The following NECTIN3 variants were observed in gnomAD, a reference collection of about 807,000 sequenced individuals.
NECTIN3 encodes the protein nectin-3.
Under a neutral mutation model 49.4 loss-of-function variants are expected in NECTIN3, and 8 were observed. The ratio of observed to expected loss-of-function variants is 0.16; its 90% CI spans 0.10 to 0.29. The LOEUF is 0.29. NECTIN3 is among the 10% of genes least tolerant of loss of function. The pLI is 1.00. For missense variants in NECTIN3, 581 were observed against 654.6 expected, an observed-to-expected ratio of 0.89 and a Z score of 1.23; for synonymous variants, 277 against 241.1, an observed-to-expected ratio of 1.15 and a Z score of -1.38.
chr3:111,171,701 G>C (rs918843575), intron 7 of NECTIN3, among the ~76,000 whole-genome samples: 2 of 149,320 alleles, frequency 1.3e-5, no homozygotes, highest in African/African-American at 5.0e-5. Flanking sequence ...ATGTGGGTGG[G>C]ACCTCATAAA....
Position 111,123,178 on chromosome 3 carries a change from C to G in NECTIN3, c.917+940C>G, listed in dbSNP as rs574881530. Among the ~76,000 whole-genome samples, 8 of 152,174 alleles carry G rather than the reference C, an allele frequency of 5.3e-5. No individual in the cohort carries two copies. The South Asian group carries it at 1.5e-3, about 28-fold the overall frequency. Reference sequence around the variant, plus strand: ...CTCTTATAAACTGAAAATAGGCCAACAATAAAAATATGTTATTTTCATAGC... The same window carrying G: ...CTCTTATAAACTGAAAATAGGCCAAGAATAAAAATATGTTATTTTCATAGC... On this transcript the variant is annotated intron_variant, in intron 4 of 5. Coordinates refer to ENST00000485303, the MANE Select transcript of NECTIN3 (RefSeq NM_015480.3).
At chr3:111,074,325 C>T (rs990720404) in intron 1 of NECTIN3, 1 of 439,858 alleles carries the variant, frequency 2.3e-6, no homozygotes, top group Non-Finnish European at 4.6e-6. Context: ...GTTCATAGTA[C>T]TGCTTACAAG....
intron 5 of NECTIN3, among the ~76,000 whole-genome samples, chr3:111,127,848 G>A (rs1055349238): frequency 3.3e-5 from 5 of 151,976 alleles, no homozygotes; most frequent in African/African-American, 9.7e-5. Context: ...GATTACAAGC[G>A]TGAGCTACTG....
chr3:111,140,503 G>A (rs1330262293), downstream of NECTIN3, among the ~76,000 whole-genome samples: 2 of 140,356 alleles, frequency 1.4e-5, no homozygotes, highest in African/African-American at 6.4e-5. Flanking sequence ...GTCTTATGTG[G>A]GGTTTTTTTG....
At chr3:111,186,837 A>G (rs2035728277) in intron 7 of NECTIN3, among the ~76,000 whole-genome samples, 2 of 152,212 alleles carry the variant, frequency 1.3e-5, no homozygotes. Flanking sequence ...TGAAATACGT[A>G]TTACAGATTT....
At chr3:111,152,915 A>C (rs1023295184) in intron 7 of NECTIN3, among the ~76,000 whole-genome samples, 3 of 151,912 alleles carry the variant, frequency 2.0e-5, no homozygotes, top group Non-Finnish European at 4.4e-5. Context: ...GCCATCTTCC[A>C]ATAATAATTT....
intron 1 of NECTIN3, among the ~76,000 whole-genome samples, chr3:111,087,670 A>T (rs2032014179): frequency 6.6e-6 from 1 of 151,956 alleles, no homozygotes; most frequent in Non-Finnish European, 1.5e-5. Context: ...ATAAAGAAAG[A>T]AAACAGCCTT....
chr3:111,105,133 T>C (rs983975304), intron 1 of NECTIN3, among the ~76,000 whole-genome samples: 1 of 103,590 alleles, frequency 9.7e-6, no homozygotes, highest in Non-Finnish European at 2.0e-5. Context: ...TTTTCTTTTT[T>C]TTCTTTTTTC....
upstream of NECTIN3, among the ~76,000 whole-genome samples, chr3:111,189,212 A>G (rs1177489710): frequency 6.6e-6 from 1 of 152,172 alleles, no homozygotes; most frequent in Non-Finnish European, 1.5e-5. Context: ...TAGAAGTGTC[A>G]GACTTAGAAA....
intron 4 of NECTIN3, among the ~76,000 whole-genome samples, chr3:111,125,324 C>T (rs573996035): frequency 2.6e-5 from 4 of 151,774 alleles, no homozygotes; most frequent in South Asian, 2.1e-4. Flanking sequence ...CCACTGTGCC[C>T]GGCCTTATCC....
At chr3:111,155,409 T>C (rs1247264314) in intron 7 of NECTIN3, among the ~76,000 whole-genome samples, 1 of 152,132 alleles carries the variant, frequency 6.6e-6, no homozygotes, top group African/African-American at 2.4e-5. Flanking sequence ...TAAGGAACCA[T>C]TGAAGTTTAA....
At chr3:111,133,579 C>G in intron 5 of NECTIN3, 56 bp from the exon 6 acceptor site, 5 of 1,549,642 alleles carry the variant, frequency 3.2e-6, no homozygotes, top group Non-Finnish European at 4.4e-6. Context: ...CTGAATCAGC[C>G]TGCATTGACA....
At chr3:111,186,012 A>T (rs1485401882) in intron 7 of NECTIN3, among the ~76,000 whole-genome samples, 2 of 152,196 alleles carry the variant, frequency 1.3e-5, no homozygotes, top group Non-Finnish European at 2.9e-5. Context: ...CCAGAATCAA[A>T]GTAATTAAAT....
At chr3:111,127,752 CAG>C (rs1434141240) in intron 5 of NECTIN3, among the ~76,000 whole-genome samples, 1 of 151,766 alleles carries the variant, frequency 6.6e-6, no homozygotes, top group Non-Finnish European at 1.5e-5. Flanking sequence ...TTTGTAGAGA[CAG>C]GGGTGGTCTC....
Position 111,074,701 on chromosome 3 carries a change from A to AT in NECTIN3, c.160+2534dup, listed in dbSNP as rs957748461. The stretch of plus-strand genomic sequence containing the variant: ...GTTTTACAGGTTGTCAAATTGCCAG[A>AT]TTTTTTTTTTGTTTTTAAGCCTAAG... On this transcript the variant is annotated intron_variant, in intron 1 of 5. Transcript: ENST00000485303. Among the ~76,000 whole-genome samples, 100 of 149,248 alleles carry AT rather than the reference A, an allele frequency of 6.7e-4. 1 individual carries two copies. The highest frequency in any genetic ancestry group is 1.2e-3 in the Admixed American group (18 of 14,928).
chr3:111,152,785 A>C (rs998378979), intron 7 of NECTIN3, among the ~76,000 whole-genome samples: 4 of 151,962 alleles, frequency 2.6e-5, no homozygotes. Context: ...GGTTTTAAGG[A>C]TATAAGTTCA....
At chr3:111,185,493 T>C (rs1398600239) in intron 7 of NECTIN3, among the ~76,000 whole-genome samples, 1 of 126,598 alleles carries the variant, frequency 7.9e-6, no homozygotes, top group Non-Finnish European at 1.5e-5. Flanking sequence ...TTCTCCATCA[T>C]GGCTGGAAAG....
chr3:111,101,449 G>A (rs886313623), intron 1 of NECTIN3, among the ~76,000 whole-genome samples: 1 of 152,038 alleles, frequency 6.6e-6, no homozygotes, highest in Non-Finnish European at 1.5e-5. Context: ...TTCTATGCCT[G>A]TTATTCACTA....
intron 1 of NECTIN3, among the ~76,000 whole-genome samples, chr3:111,109,086 G>C (rs1375929233): frequency 1.3e-5 from 2 of 152,124 alleles, no homozygotes; most frequent in Non-Finnish European, 2.9e-5. Flanking sequence ...CTGGATTGTA[G>C]ACAATCACTT....
Sources: gnomAD v4.1 joint callset for allele counts (sites outside exome capture counted in the v4.1 genomes callset) on GRCh38, gnomAD v4.1.1 for gene constraint, MANE v1.5 for transcripts, NCBI Gene and HGNC (gene_info 2026-07-23, HGNC 2026-07-21) for gene names.